ZRANB3: variants seen among roughly 807,000 people sequenced by gnomAD.
ZRANB3 encodes DNA annealing helicase and endonuclease ZRANB3.
ZRANB3 carries 125 observed loss-of-function variants against 133.8 expected under a neutral mutation model. The ratio of observed to expected loss-of-function variants is 0.93; its 90% CI spans 0.81 to 1.08. The LOEUF (loss-of-function observed/expected upper bound fraction) is 1.08. Ranked by LOEUF, ZRANB3 falls within the 50% of genes least tolerant of loss-of-function variation. The probability of loss-of-function intolerance (pLI) is 0.00; values close to 1 mark genes in which losing one functional copy is unlikely to be tolerated. For missense variants in ZRANB3, 1,229 were observed against 1,275.5 expected (o/e 0.96, Z 0.56); for synonymous variants, 387 against 432.7 (o/e 0.89, Z 1.31).
chr2:135,317,797 A>G (rs1018100340), intron 6 of ZRANB3, among the ~76,000 whole-genome samples: 1 of 152,148 alleles, frequency 6.6e-6, no homozygotes, highest in Non-Finnish European at 1.5e-5. Flanking sequence ...CCTAAGCGCC[A>G]TATGCCTGGT....
intron 14 of ZRANB3, 41 bp from the exon 15 acceptor site, chr2:135,224,558 C>T: frequency 6.8e-7 from 1 of 1,461,624 alleles, no homozygotes; most frequent in Non-Finnish European, 9.5e-7. Context: ...GCTTATCTAC[C>T]CTCTATCTAA....
intron 8 of ZRANB3, among the ~76,000 whole-genome samples, chr2:135,304,575 G>A (rs968353806): frequency 8.6e-5 from 13 of 151,814 alleles, no homozygotes; most frequent in African/African-American, 2.9e-4. Context: ...TTATTTGGGA[G>A]GTATTTCTCT....
intron 2 of ZRANB3, among the ~76,000 whole-genome samples, chr2:135,502,529 G>C (rs1293169243): frequency 2.6e-5 from 4 of 152,152 alleles, no homozygotes; most frequent in Admixed American, 2.0e-4. Flanking sequence ...TAACGAATCT[G>C]AAGTATGAAT....
At chr2:135,265,438 A>G (rs949252892) in intron 12 of ZRANB3, 96 bp downstream of exon 12, 5 of 1,312,952 alleles carry the variant, frequency 3.8e-6, no homozygotes, top group East Asian at 2.6e-5. Flanking sequence ...TTTCAACACC[A>G]TAAATAATTG....
chr2:135,383,447 A>G (rs1312251610), intron 3 of ZRANB3, among the ~76,000 whole-genome samples: 3 of 152,156 alleles, frequency 2.0e-5, no homozygotes, highest in Non-Finnish European at 4.4e-5. Flanking sequence ...CGAGACAGAA[A>G]GTTAACAAGG....
intron 2 of ZRANB3, among the ~76,000 whole-genome samples, chr2:135,484,062 G>A (rs978439987): frequency 1.2e-4 from 19 of 152,246 alleles, no homozygotes; most frequent in African/African-American, 4.6e-4. Flanking sequence ...TAGGTGTGGT[G>A]TGGTGCTGAA....
intron 8 of ZRANB3, among the ~76,000 whole-genome samples, chr2:135,307,961 C>G (rs1267332092): frequency 6.6e-6 from 1 of 152,104 alleles, no homozygotes. Context: ...TCCTGCACGC[C>G]TGTAGGATAG....
rs539246201 is a variant in ZRANB3 at position 135,295,304 on chromosome 2, T to C, written c.966+18185A>G. Among the ~76,000 whole-genome samples the C allele has an allele frequency of 2.5e-3, 374 of 152,344 alleles. 1 individual carries two copies. Among genetic ancestry groups the C allele is most frequent in the African/African-American group, 8.8e-3 (364 of 41,564 alleles). On this transcript the variant is annotated intron_variant, in intron 8 of 20. Transcript: ENST00000264159. ...TATTTAGGATAGTTAGCTCTTCTTG[T>C]TGAATTGATCCCTTTACCATTACAT...
rs564950649 is a variant in ZRANB3, at chr2:135,416,692, T to G, written c.162-25872A>C. Among the ~76,000 whole-genome samples the G allele has an allele frequency of 3.6e-4, 55 of 151,930 alleles. No homozygotes were observed. In the East Asian group the frequency reaches 6.2e-3, roughly 17 times the overall value. ...AAGAACAAAGCTGGAGGCATCACAC[T>G]ACCTGACTTCAAACTATACTACAAG... On this transcript the variant is annotated intron_variant, in intron 2 of 20. Transcript: ENST00000264159.
At chr2:135,483,586 T>C (rs1250127216) in intron 2 of ZRANB3, among the ~76,000 whole-genome samples, 1 of 152,116 alleles carries the variant, frequency 6.6e-6, no homozygotes, top group Non-Finnish European at 1.5e-5. Flanking sequence ...ATTAATTTTT[T>C]GAAGGGTTTT....
chr2:135,284,986 C>T (rs1167633180), intron 8 of ZRANB3, among the ~76,000 whole-genome samples: 1 of 151,954 alleles, frequency 6.6e-6, no homozygotes, highest in Non-Finnish European at 1.5e-5. Flanking sequence ...GCTGGGATTA[C>T]AGGCATGCAA....
intron 2 of ZRANB3, among the ~76,000 whole-genome samples, chr2:135,405,251 G>A (rs764850212): frequency 1.3e-5 from 2 of 152,132 alleles, no homozygotes; most frequent in Non-Finnish European, 2.9e-5. Context: ...AAAGGGATAA[G>A]TTCAACAAGA....
intron 8 of ZRANB3, among the ~76,000 whole-genome samples, chr2:135,307,517 T>G (rs886833551): frequency 1.3e-5 from 2 of 152,262 alleles, no homozygotes; most frequent in African/African-American, 4.8e-5. Flanking sequence ...CTTTTCTATT[T>G]GATGCTTTAA....
chr2:135,245,922 GTC>G (rs1695767445), intron 12 of ZRANB3, among the ~76,000 whole-genome samples: 1 of 27,900 alleles, frequency 3.6e-5, no homozygotes, highest in Non-Finnish European at 4.1e-5. Context: ...TTGAAACTCC[GTC>G]TCAAAAAAAA....
rs2105029493 is a variant in ZRANB3 at position 135,200,077 on chromosome 2, A to G, written c.*265T>C. ...GTGATTAGGCATATTAGGGGTAAAGAGCTTTACAAAACATTGCTGAAACAT... is the reference window on the plus strand; with the variant it reads ...GTGATTAGGCATATTAGGGGTAAAGGGCTTTACAAAACATTGCTGAAACAT... On this transcript the variant is annotated 3_prime_UTR_variant, in exon 21 of 21. Coordinates refer to ENST00000264159, the MANE Select transcript of ZRANB3 (RefSeq NM_032143.4). 1 of 509,044 alleles carries G rather than the reference A, an allele frequency of 2.0e-6. No individual in the cohort carries two copies. The highest frequency in any genetic ancestry group is 1.9e-5 in the South Asian group (1 of 52,120). The allele number at this position is 509,044 out of a possible 1,614,324, so 31.5% of individuals were successfully genotyped here. A position where few individuals can be genotyped will look rare whatever the true frequency, so the allele number is the denominator to read the frequency against.
At chr2:135,362,789 T>C (rs1412201157) in intron 3 of ZRANB3, among the ~76,000 whole-genome samples, 1 of 152,134 alleles carries the variant, frequency 6.6e-6, no homozygotes. Context: ...GTGCCCCACT[T>C]GAGCAAACGT....
At chr2:135,312,879 G>A (rs1382185465) in intron 8 of ZRANB3, among the ~76,000 whole-genome samples, 3 of 151,702 alleles carry the variant, frequency 2.0e-5, no homozygotes, top group African/African-American at 7.3e-5. Flanking sequence ...AATTTGCCAG[G>A]CATGGAGGCA....
At position 135,235,809 on chromosome 2, in the gene ZRANB3, T is replaced by C. The variant is rs1196089013; in HGVS notation, c.1540-4882A>G. Among the ~76,000 whole-genome samples the C allele has an allele frequency of 6.0e-5, 9 of 150,392 alleles. No homozygotes were observed. The East Asian group carries it at 9.7e-4, about 16-fold the overall frequency. ...ATCTCAAAATAATAAGAGCTATCTATGACAAACCCACAACCAATATCATAC... is the reference window on the plus strand; with the variant it reads ...ATCTCAAAATAATAAGAGCTATCTACGACAAACCCACAACCAATATCATAC... On this transcript the variant is annotated intron_variant, in intron 12 of 20. Coordinates refer to ENST00000264159, the MANE Select transcript of ZRANB3 (RefSeq NM_032143.4).
intron 3 of ZRANB3, among the ~76,000 whole-genome samples, chr2:135,372,743 C>T (rs1367526013): frequency 2.0e-5 from 3 of 149,228 alleles, no homozygotes; most frequent in African/African-American, 2.5e-5. Context: ...GCCAAGATTG[C>T]GCCACTGCAC....
Sources: allele counts gnomAD v4.1 joint callset (sites outside exome capture counted in the v4.1 genomes callset), GRCh38; gene constraint gnomAD v4.1.1; transcripts MANE v1.5; gene names NCBI Gene and HGNC (gene_info 2026-07-23, HGNC 2026-07-21).